The following WWTR1 variants were observed in gnomAD, a reference collection of about 807,000 sequenced individuals.
WWTR1 encodes WW domain containing transcription regulator 1, also known as WW domain-containing transcription regulator protein 1.
In WWTR1, 13 loss-of-function variants were observed where a neutral mutation model predicts 40.1. The observed-to-expected ratio is 0.32, with a 90% CI of 0.21 to 0.52. The LOEUF (loss-of-function observed/expected upper bound fraction) is 0.52. WWTR1 is among the 20% of genes least tolerant of loss of function. WWTR1 has a pLI of 0.97. For synonymous variants in WWTR1, 230 were observed against 210.1 expected, an observed-to-expected ratio of 1.09 and a Z score of -0.82; for missense variants, 436 against 523.1, an observed-to-expected ratio of 0.83 and a Z score of 1.63.
chr3:149,609,551 A>G (rs781158952), intron 2 of WWTR1, among the ~76,000 whole-genome samples: 47 of 152,262 alleles, frequency 3.1e-4, no homozygotes, highest in Non-Finnish European at 5.9e-4. Context: ...TTGTATTGGA[A>G]CACAGCTACT....
chr3:149,678,330 G>A (rs76623998), intron 1 of WWTR1, among the ~76,000 whole-genome samples: 6,602 of 152,218 alleles, frequency 0.043, 289 homozygotes, highest in East Asian at 0.13. Context: ...GTAAAGACAG[G>A]TTTGAGGCCA....
chr3:149,597,761 AG>A (rs1242923277), intron 2 of WWTR1, among the ~76,000 whole-genome samples: 1 of 152,250 alleles, frequency 6.6e-6, no homozygotes, highest in African/African-American at 2.4e-5. Context: ...TTGGAAGAAA[AG>A]CAAGGAGTCC....
In WWTR1 at chr3:149,585,542, C is replaced by A. The variant is rs548456816; in HGVS notation, c.432-12542G>T. The stretch of plus-strand genomic sequence containing the variant: ...AACCACAAGTCTCACATAGTTCCCC[C>A]ACCAGCACCCCACAATTTTTTTTTT... On this transcript the variant is annotated intron_variant, in intron 2 of 6. Coordinates refer to ENST00000360632, the MANE Select transcript of WWTR1 (RefSeq NM_015472.6). 1.2e-4 allele frequency among the ~76,000 whole-genome samples: 17 copies of A among 143,236 alleles called. No individual in the cohort carries two copies. The South Asian group carries it at 3.1e-3, about 26-fold the overall frequency. The allele number at this position is 143,236 out of a possible 152,430, so 94.0% of individuals were successfully genotyped here.
intron 2 of WWTR1, among the ~76,000 whole-genome samples, chr3:149,629,999 C>G (rs1354325884): frequency 1.3e-5 from 2 of 152,140 alleles, no homozygotes; most frequent in East Asian, 3.9e-4. Flanking sequence ...GACACACACC[C>G]TGTGCCTAGC....
intron 1 of WWTR1, among the ~76,000 whole-genome samples, chr3:149,674,286 A>T (rs536466435): frequency 1.1e-4 from 17 of 150,996 alleles, no homozygotes; most frequent in African/African-American, 4.1e-4. Flanking sequence ...TCTCTCACAC[A>T]CACACACGTA....
intron 4 of WWTR1, among the ~76,000 whole-genome samples, chr3:149,528,385 C>T (rs1183398036): frequency 2.0e-5 from 3 of 152,228 alleles, no homozygotes; most frequent in Non-Finnish European, 4.4e-5. Flanking sequence ...TTGCCACTTA[C>T]AGGCCAGTAA....
At chr3:149,613,292 T>C (rs1184866877) in intron 2 of WWTR1, among the ~76,000 whole-genome samples, 1 of 152,184 alleles carries the variant, frequency 6.6e-6, no homozygotes, top group East Asian at 1.9e-4. Flanking sequence ...CTAGGAACTA[T>C]GGCCAATTAT....
chr3:149,702,710 A>G (rs1359308448), intron 1 of WWTR1: 1 of 151,962 alleles, frequency 6.6e-6, no homozygotes, highest in Non-Finnish European at 1.5e-5. Context: ...GGATTTTTCC[A>G]TCTATGAAAT....
At chr3:149,654,493 G>A (rs1713081329) in intron 2 of WWTR1, among the ~76,000 whole-genome samples, 2 of 152,056 alleles carry the variant, frequency 1.3e-5, no homozygotes, top group African/African-American at 2.4e-5. Context: ...CATTTTCATT[G>A]ACTACCCAAA....
chr3:149,585,768 G>T (rs1338909161), intron 2 of WWTR1, among the ~76,000 whole-genome samples: 4 of 152,176 alleles, frequency 2.6e-5, no homozygotes, highest in Non-Finnish European at 5.9e-5. Context: ...GCAAGCAAAA[G>T]AATATGTAAT....
At chr3:149,663,554 T>C (rs1322039419) in intron 2 of WWTR1, among the ~76,000 whole-genome samples, 1 of 151,828 alleles carries the variant, frequency 6.6e-6, no homozygotes, top group Admixed American at 6.6e-5. Flanking sequence ...AAATTAGCCA[T>C]GCGTGGTGGC....
intron 2 of WWTR1, among the ~76,000 whole-genome samples, chr3:149,587,625 A>T (rs1158258912): frequency 1.3e-5 from 2 of 152,212 alleles, no homozygotes; most frequent in African/African-American, 4.8e-5. Context: ...TGATTAATGT[A>T]TTAATTCAAC....
chr3:149,628,977 GC>G (rs1711498873), intron 2 of WWTR1, among the ~76,000 whole-genome samples: 2 of 151,916 alleles, frequency 1.3e-5, no homozygotes, highest in Admixed American at 1.3e-4. Flanking sequence ...TCCCTATGCT[GC>G]CCAGGCTAGT....
At chr3:149,674,029 A>G (rs1714178883) in intron 1 of WWTR1, among the ~76,000 whole-genome samples, 1 of 149,582 alleles carries the variant, frequency 6.7e-6, no homozygotes, top group South Asian at 2.1e-4. Context: ...AGACCGGCCT[A>G]GGCAACATAG....
intron 2 of WWTR1, among the ~76,000 whole-genome samples, chr3:149,636,966 GAA>G (rs397950107): frequency 0.02 from 875 of 43,174 alleles, no homozygotes; most frequent in Middle Eastern, 0.038. Context: ...TGTCTCAAGT[GAA>G]AAAAAAAAAA....
At chr3:149,635,304 G>A (rs1016320230) in intron 2 of WWTR1, among the ~76,000 whole-genome samples, 5 of 152,192 alleles carry the variant, frequency 3.3e-5, no homozygotes, top group African/African-American at 1.2e-4. Context: ...TTCAAATGAA[G>A]CTAGAATTTA....
At chr3:149,705,703 A>T (rs1007538688), upstream of WWTR1, among the ~76,000 whole-genome samples, 3 of 152,222 alleles carry the variant, frequency 2.0e-5, no homozygotes, top group Non-Finnish European at 2.9e-5. Context: ...CTGGACAACT[A>T]ATCATTAAGC....
chr3:149,617,170 G>A (rs1476901722), intron 2 of WWTR1, among the ~76,000 whole-genome samples: 1 of 152,124 alleles, frequency 6.6e-6, no homozygotes, highest in Admixed American at 6.6e-5. Context: ...TTCCATTTAG[G>A]AGCCACCTTG....
At chr3:149,528,059 AC>A in intron 4 of WWTR1, 90 bp from the exon 5 acceptor site, 1 of 1,488,318 alleles carries the variant, frequency 6.7e-7, no homozygotes, top group Non-Finnish European at 9.0e-7. Context: ...TTCACCAAAT[AC>A]AAAGCACTGT....
Sources: gnomAD v4.1 joint callset for allele counts (sites outside exome capture counted in the v4.1 genomes callset) on GRCh38, gnomAD v4.1.1 for gene constraint, MANE v1.5 for transcripts, NCBI Gene and HGNC (gene_info 2026-07-23, HGNC 2026-07-21) for gene names.